SAMHD1: variants seen among roughly 807,000 people sequenced by gnomAD.
SAMHD1 encodes deoxynucleoside triphosphate triphosphohydrolase SAMHD1.
In SAMHD1, 54 loss-of-function variants were observed where a neutral mutation model predicts 79.6. The observed-to-expected ratio is 0.68, with a 90% CI of 0.55 to 0.85. The LOEUF is 0.85. Ranked by LOEUF, SAMHD1 falls within the 40% of genes least tolerant of loss-of-function variation. SAMHD1 has a pLI of 0.00. For synonymous variants in SAMHD1, 260 were observed against 264.1 expected (o/e 0.98, Z 0.15); for missense variants, 663 against 782.7 (o/e 0.85, Z 1.82).
intron 1 of SAMHD1, 23 bp downstream of exon 1, chr20:36,951,413 C>T (rs756585504): frequency 6.2e-7 from 1 of 1,612,546 alleles, no homozygotes; most frequent in African/African-American, 1.3e-5. Flanking sequence ...CCCTTCGCCC[C>T]TCAGCCCCTC....
chr20:36,935,601 C>T (rs1420809835), intron 3 of SAMHD1, among the ~76,000 whole-genome samples: 2 of 148,644 alleles, frequency 1.3e-5, no homozygotes, highest in African/African-American at 2.5e-5. Flanking sequence ...GACAGAGTCT[C>T]ACTGTGTTAC....
At position 36,905,430 on chromosome 20, in the gene SAMHD1, A is replaced by G. The variant is rs746144991; in HGVS notation, c.1344T>C (p.Ile448=). 1.9e-6 allele frequency: 3 copies of G among 1,613,914 alleles called. No homozygotes were observed. In the South Asian group the frequency reaches 3.3e-5, roughly 18 times the overall value. The change falls in exon 12 of 16, where the codon ATT becomes ATC. Residue 448 remains isoleucine, a synonymous_variant. Coordinates refer to ENST00000646673, the MANE Select transcript of SAMHD1 (RefSeq NM_015474.4). ...CATACTTGAATAGATTACGGTATTC[A>G]ATTTGTTTTAAAATCTCTCGTGCGT... ...LKDAREILKQ[I]EYRNLFKYVG...
At chr20:36,935,965 C>T (rs2063601115) in intron 3 of SAMHD1, among the ~76,000 whole-genome samples, 1 of 151,898 alleles carries the variant, frequency 6.6e-6, no homozygotes. Context: ...GATGGAAATT[C>T]CTCTACCATA....
intron 9 of SAMHD1, among the ~76,000 whole-genome samples, chr20:36,912,885 C>CTTTTTT (rs1374227156): frequency 2.1e-3 from 17 of 8,138 alleles, no homozygotes; most frequent in African/African-American, 5.1e-3. Flanking sequence ...AACTTTCATT[C>CTTTTTT]TTTGTTTTTT....
intron 6 of SAMHD1, 90 bp downstream of exon 6, chr20:36,927,092 C>T: frequency 8.9e-7 from 1 of 1,125,916 alleles, no homozygotes; most frequent in African/African-American, 1.5e-5. Context: ...TATTTTATAA[C>T]ACAGTAGTGG....
intron 13 of SAMHD1, among the ~76,000 whole-genome samples, chr20:36,899,927 C>T (rs964331747): frequency 6.6e-6 from 1 of 152,014 alleles, no homozygotes; most frequent in African/African-American, 2.4e-5. Flanking sequence ...AACCCCATCT[C>T]AACTAAAAAT....
chr20:36,904,970 G>C (rs986392635), intron 12 of SAMHD1: 1 of 243,908 alleles, frequency 4.1e-6, no homozygotes, highest in Non-Finnish European at 8.1e-6. Flanking sequence ...AAGGAACCAA[G>C]TCATTACAAC....
chr20:36,939,253 C>CAAAAAAAA (rs57018620), intron 3 of SAMHD1, among the ~76,000 whole-genome samples: 2 of 36,634 alleles, frequency 5.5e-5, no homozygotes, highest in Non-Finnish European at 8.7e-5. Context: ...GACTCCCTCT[C>CAAAAAAAA]AAAAAAAAAA....
chr20:36,900,311 T>A (rs1241828766), intron 13 of SAMHD1, among the ~76,000 whole-genome samples: 1 of 151,882 alleles, frequency 6.6e-6, no homozygotes, highest in African/African-American at 2.4e-5. Context: ...AGTGGCACAA[T>A]CTCGGCACAC....
At chr20:36,924,039 C>T (rs1317155078) in intron 6 of SAMHD1, among the ~76,000 whole-genome samples, 1 of 152,004 alleles carries the variant, frequency 6.6e-6, no homozygotes, top group African/African-American at 2.4e-5. Flanking sequence ...AGCTTGAGCT[C>T]GGGAGTTGAG....
chr20:36,947,480 TGTGTGTGTGTGA>T (rs1568786146), intron 1 of SAMHD1, among the ~76,000 whole-genome samples: 2 of 131,366 alleles, frequency 1.5e-5, no homozygotes, highest in Admixed American at 7.7e-5. Flanking sequence ...GGAAGAGGTG[TGTGTGTGTGTGA>T]GTGTGTGTGT....
chr20:36,912,571 T>C lies in SAMHD1; in HGVS notation c.1063-19A>G, dbSNP rs2148365789. Reference sequence around the variant, plus strand: ...CAACTTCCTGCAGGAAAACATGAAGTAAATATTAATAGGATCAGATTATGT... The same window carrying C: ...CAACTTCCTGCAGGAAAACATGAAGCAAATATTAATAGGATCAGATTATGT... On this transcript the variant is annotated intron_variant, in intron 9 of 15. Coordinates refer to ENST00000646673, the MANE Select transcript of SAMHD1 (RefSeq NM_015474.4). 1 of 1,482,652 alleles carries C rather than the reference T, an allele frequency of 6.7e-7. No homozygotes were observed. The highest frequency in any genetic ancestry group is 1.4e-5 in the African/African-American group (1 of 72,348). The allele number at this position is 1,482,652 out of a possible 1,614,324, so 91.8% of individuals were successfully genotyped here. A position where few individuals can be genotyped will look rare whatever the true frequency, so the allele number is the denominator to read the frequency against.
intron 6 of SAMHD1, among the ~76,000 whole-genome samples, chr20:36,924,927 T>C (rs888622896): frequency 1.3e-5 from 2 of 151,698 alleles, no homozygotes; most frequent in Admixed American, 1.3e-4. Flanking sequence ...GGGAGGCCGA[T>C]GTGGGTGGAT....
chr20:36,923,289 A>G (rs1300865412), intron 6 of SAMHD1, among the ~76,000 whole-genome samples: 1 of 152,076 alleles, frequency 6.6e-6, no homozygotes, highest in Non-Finnish European at 1.5e-5. Context: ...GCGAGCCACC[A>G]CGCCTGGCCA....
chr20:36,935,668 T>TCAAG (rs745728350), intron 3 of SAMHD1, among the ~76,000 whole-genome samples: 23 of 152,046 alleles, frequency 1.5e-4, no homozygotes, highest in Middle Eastern at 3.4e-3. Context: ...CCTCCCAAGT[T>TCAAG]CAAGCTATTC....
chr20:36,932,316 A>ACT (rs2063572393), intron 4 of SAMHD1, among the ~76,000 whole-genome samples: 1 of 129,776 alleles, frequency 7.7e-6, no homozygotes, highest in South Asian at 2.6e-4. Context: ...GCGCCATTGC[A>ACT]CTCCAGCCTG....
At chr20:36,930,100 AAAT>A (rs75299871) in intron 5 of SAMHD1, among the ~76,000 whole-genome samples, 1 of 151,248 alleles carries the variant, frequency 6.6e-6, no homozygotes, top group African/African-American at 2.4e-5. Context: ...AAAAAAAAAA[AAAT>A]AAGCATAAGA....
chr20:36,950,131 T>C (rs6102961), intron 1 of SAMHD1, among the ~76,000 whole-genome samples: 5,612 of 152,134 alleles, frequency 0.037, 337 homozygotes, highest in African/African-American at 0.12. Flanking sequence ...GTGTCTTTGA[T>C]AGCAATAGGT....
chr20:36,928,468 C>T (rs563437762), intron 5 of SAMHD1, among the ~76,000 whole-genome samples: 3 of 151,338 alleles, frequency 2.0e-5, no homozygotes, highest in Non-Finnish European at 4.4e-5. Context: ...GGGTAGATCA[C>T]GAGGTCAGGA....
Sources: allele counts gnomAD v4.1 joint callset (sites outside exome capture counted in the v4.1 genomes callset), GRCh38; gene constraint gnomAD v4.1.1; transcripts MANE v1.5; gene names NCBI Gene and HGNC (gene_info 2026-07-23, HGNC 2026-07-21).